Variants in DOCK5 observed in about 807,000 individuals in gnomAD.
DOCK5 encodes dedicator of cytokinesis 5.
In DOCK5, 142 loss-of-function variants were observed where a neutral mutation model predicts 251.8. The observed-to-expected ratio is 0.56, with a 90% CI of 0.49 to 0.65. The LOEUF is 0.65. DOCK5 is among the 30% of genes least tolerant of loss of function. DOCK5 has a pLI of 0.00. For synonymous variants in DOCK5, 842 were observed against 835.5 expected (o/e 1.01, Z -0.13); for missense variants, 2,111 against 2,312.3 (o/e 0.91, Z 1.79).
At chr8:25,244,455 A>C (rs1803042184) in intron 2 of DOCK5, among the ~76,000 whole-genome samples, 1 of 152,198 alleles carries the variant, frequency 6.6e-6, no homozygotes, top group Non-Finnish European at 1.5e-5. Context: ...CTGGAGCACA[A>C]CAAAAGCATA....
At chr8:25,406,347 A>G (rs1160351398) in intron 48 of DOCK5, among the ~76,000 whole-genome samples, 1 of 152,230 alleles carries the variant, frequency 6.6e-6, no homozygotes, top group African/African-American at 2.4e-5. Context: ...GCATTTATGC[A>G]TCATTAAGTA....
intron 2 of DOCK5, among the ~76,000 whole-genome samples, chr8:25,265,914 G>A (rs1269626703): frequency 6.6e-6 from 1 of 151,864 alleles, no homozygotes; most frequent in Non-Finnish European, 1.5e-5. Context: ...AGTTGGAGAG[G>A]ACAGATTTTT....
Position 25,414,877 on chromosome 8 carries a change from C to G in DOCK5, c.*3579C>G, listed in dbSNP as rs1473971382. On this transcript the variant is annotated 3_prime_UTR_variant, in exon 52 of 52. Transcript: ENST00000276440. ...GCTATAAAGACTGTGCACCTTTTAACAAGTCAATTTGTAGTCAGTCCCTGG... is the reference window on the plus strand; with the variant it reads ...GCTATAAAGACTGTGCACCTTTTAAGAAGTCAATTTGTAGTCAGTCCCTGG... 1 of 134,788 alleles carries G rather than the reference C, an allele frequency of 7.4e-6. No individual in the cohort carries two copies. Among genetic ancestry groups the G allele is most frequent in the Non-Finnish European group, 1.6e-5 (1 of 63,992 alleles). The allele number at this position is 134,788 out of a possible 1,614,324, so 8.3% of individuals were successfully genotyped here. A position where few individuals can be genotyped will look rare whatever the true frequency, so the allele number is the denominator to read the frequency against.
intron 30 of DOCK5, among the ~76,000 whole-genome samples, chr8:25,366,489 A>G (rs1473428893): frequency 6.6e-6 from 1 of 152,176 alleles, no homozygotes; most frequent in African/African-American, 2.4e-5. Flanking sequence ...TCTGGATCAA[A>G]CAACAACAAC....
At chr8:25,206,676 C>G (rs1276147356) in intron 1 of DOCK5, among the ~76,000 whole-genome samples, 1 of 152,178 alleles carries the variant, frequency 6.6e-6, no homozygotes, top group Non-Finnish European at 1.5e-5. Context: ...CACTGATTGT[C>G]CCTGGATGGA....
At chr8:25,208,684 AGG>A (rs1241447323) in intron 1 of DOCK5, among the ~76,000 whole-genome samples, 1 of 152,250 alleles carries the variant, frequency 6.6e-6, no homozygotes, top group Non-Finnish European at 1.5e-5. Flanking sequence ...TAACTTTTAT[AGG>A]CACAGGGGAA....
At chr8:25,334,352 C>G (rs886747136) in intron 21 of DOCK5, among the ~76,000 whole-genome samples, 156 bp downstream of exon 21, 1 of 152,138 alleles carries the variant, frequency 6.6e-6, no homozygotes, top group South Asian at 2.1e-4. Flanking sequence ...AAAAAGGGAA[C>G]CATCTAAGTA....
chr8:25,184,822 G>C lies in DOCK5; in HGVS notation c.-87G>C. 8.5e-7 allele frequency: 1 copy of C among 1,183,398 alleles called. No homozygotes were observed. The highest frequency in any genetic ancestry group is 1.1e-6 in the Non-Finnish European group (1 of 929,668). 73.3% of individuals were successfully genotyped at this position (1,183,398 alleles called of 1,614,324 possible). On this transcript the variant is annotated 5_prime_UTR_variant, in exon 1 of 52. Transcript: ENST00000276440. ...GCGGAACATGGCGGAAGCGTCTGGGGCACGCAGGAGCGCGGGGCGGCGGCG... is the reference window on the plus strand; with the variant it reads ...GCGGAACATGGCGGAAGCGTCTGGGCCACGCAGGAGCGCGGGGCGGCGGCG...
intron 1 of DOCK5, among the ~76,000 whole-genome samples, chr8:25,219,707 T>G (rs1367435290): frequency 9.9e-6 from 1 of 100,746 alleles, no homozygotes; most frequent in East Asian, 2.8e-4. Context: ...GGGGTCCGTG[T>G]TTTTTTTTTT....
intron 2 of DOCK5, among the ~76,000 whole-genome samples, chr8:25,257,673 G>A (rs1803453688): frequency 1.3e-5 from 2 of 152,230 alleles, no homozygotes; most frequent in Non-Finnish European, 1.5e-5. Context: ...TTGCTGTCCT[G>A]GAGGGAGATC....
chr8:25,359,397 T>G (rs936594042), intron 28 of DOCK5, among the ~76,000 whole-genome samples: 5 of 142,564 alleles, frequency 3.5e-5, no homozygotes, highest in African/African-American at 1.3e-4. Flanking sequence ...ATGGCAAGGA[T>G]TTTAGAAGGC....
chr8:25,268,043 A>G (rs543999191), intron 2 of DOCK5, among the ~76,000 whole-genome samples: 209 of 152,138 alleles, frequency 1.4e-3, no homozygotes, highest in Non-Finnish European at 2.5e-3. Context: ...TTATATTTTT[A>G]GTAGAGACGG....
At chr8:25,262,108 G>A (rs541037636) in intron 2 of DOCK5, among the ~76,000 whole-genome samples, 3 of 152,246 alleles carry the variant, frequency 2.0e-5, no homozygotes, top group Non-Finnish European at 2.9e-5. Context: ...TAAAGCACTG[G>A]AGTGAGGATG....
At chr8:25,284,871 G>T (rs1166809292) in intron 5 of DOCK5, among the ~76,000 whole-genome samples, 3 of 152,222 alleles carry the variant, frequency 2.0e-5, no homozygotes, top group Non-Finnish European at 2.9e-5. Context: ...GGACACAGTA[G>T]GGCAAGAGTT....
At chr8:25,188,746 C>T (rs1258611700) in intron 1 of DOCK5, among the ~76,000 whole-genome samples, 1 of 152,122 alleles carries the variant, frequency 6.6e-6, no homozygotes, top group Non-Finnish European at 1.5e-5. Flanking sequence ...GCTCTAGTAC[C>T]CCAGTGTTAA....
chr8:25,320,828 G>T (rs1347368650), intron 15 of DOCK5, among the ~76,000 whole-genome samples, 152 bp from the exon 16 acceptor site: 1 of 152,148 alleles, frequency 6.6e-6, no homozygotes, highest in East Asian at 1.9e-4. Flanking sequence ...TTTGAAAATA[G>T]CTCAGTCTCC....
At chr8:25,380,007 T>C (rs886944108) in intron 38 of DOCK5, among the ~76,000 whole-genome samples, 9 of 152,188 alleles carry the variant, frequency 5.9e-5, no homozygotes, top group African/African-American at 2.2e-4. Context: ...GTGCTGTAGG[T>C]GCTTGACCTG....
At chr8:25,228,280 G>A (rs1802580817) in intron 1 of DOCK5, among the ~76,000 whole-genome samples, 1 of 152,194 alleles carries the variant, frequency 6.6e-6, no homozygotes, top group Non-Finnish European at 1.5e-5. Flanking sequence ...AAAAGTTATG[G>A]CAATTTTATC....
At chr8:25,274,357 A>C (rs1198045420) in intron 3 of DOCK5, among the ~76,000 whole-genome samples, 1 of 152,216 alleles carries the variant, frequency 6.6e-6, no homozygotes, top group Non-Finnish European at 1.5e-5. Context: ...GCCAGGTATA[A>C]GCTCCATGTA....
Sources: gnomAD v4.1 joint callset for allele counts (sites outside exome capture counted in the v4.1 genomes callset) on GRCh38, gnomAD v4.1.1 for gene constraint, MANE v1.5 for transcripts, NCBI Gene and HGNC (gene_info 2026-07-23, HGNC 2026-07-21) for gene names.